GPC5: variants seen among roughly 807,000 people sequenced by gnomAD.
The protein encoded by GPC5 is glypican 5.
In GPC5, 47 loss-of-function variants were observed where a neutral mutation model predicts 53.9. That is an observed-to-expected ratio of 0.87 (90% CI 0.69 to 1.11). The LOEUF is 1.11. GPC5 is among the 50% of genes most tolerant of loss of function. The probability of loss-of-function intolerance (pLI) is 0.00; values close to 1 mark genes in which losing one functional copy is unlikely to be tolerated. For synonymous variants in GPC5, 286 were observed against 263.3 expected (o/e 1.09, Z -0.84); for missense variants, 748 against 713.1 (o/e 1.05, Z -0.56).
chr13:91,818,918 T>C (rs550511228), intron 5 of GPC5, among the ~76,000 whole-genome samples: 1 of 152,268 alleles, frequency 6.6e-6, no homozygotes, highest in Non-Finnish European at 1.5e-5. Context: ...TTAATTTACA[T>C]TTTTTTCAGT....
chr13:92,196,136 T>C (rs184350115), intron 7 of GPC5, among the ~76,000 whole-genome samples: 1 of 143,022 alleles, frequency 7.0e-6, no homozygotes, highest in East Asian at 3.4e-4. Context: ...GTAATATTTA[T>C]TGGGAAAAAA....
chr13:91,550,903 C>T (rs2030599416), intron 2 of GPC5, among the ~76,000 whole-genome samples: 1 of 152,106 alleles, frequency 6.6e-6, no homozygotes, highest in African/African-American at 2.4e-5. Context: ...TAAGACGTGA[C>T]TTTGCTCCTC....
intron 7 of GPC5, among the ~76,000 whole-genome samples, chr13:92,781,008 T>A (rs1876006488): frequency 6.6e-6 from 1 of 152,116 alleles, no homozygotes; most frequent in Non-Finnish European, 1.5e-5. Flanking sequence ...AAAATAAATG[T>A]GTCCTCATAC....
At chr13:92,475,672 C>G (rs1252050662) in intron 7 of GPC5, among the ~76,000 whole-genome samples, 1 of 152,104 alleles carries the variant, frequency 6.6e-6, no homozygotes, top group East Asian at 1.9e-4. Flanking sequence ...CAGCATGGTA[C>G]TGGTACCAAA....
chr13:92,125,845 A>G (rs2041689936), intron 6 of GPC5, among the ~76,000 whole-genome samples: 1 of 149,996 alleles, frequency 6.7e-6, no homozygotes, highest in Non-Finnish European at 1.5e-5. Flanking sequence ...GCATTTGAGG[A>G]AAGATATATG....
At chr13:91,705,151 C>T (rs2036072109) in intron 3 of GPC5, among the ~76,000 whole-genome samples, 1 of 152,154 alleles carries the variant, frequency 6.6e-6, no homozygotes, top group Non-Finnish European at 1.5e-5. Flanking sequence ...TTTTCAAAGT[C>T]TTCACATTTC....
At chr13:91,684,223 G>A (rs1053464274) in intron 2 of GPC5, among the ~76,000 whole-genome samples, 8 of 151,830 alleles carry the variant, frequency 5.3e-5, no homozygotes, top group East Asian at 1.9e-4. Context: ...TTTCCCCTTC[G>A]GTTATTTCAT....
At chr13:92,305,463 T>G (rs2043104630) in intron 7 of GPC5, among the ~76,000 whole-genome samples, 1 of 152,146 alleles carries the variant, frequency 6.6e-6, no homozygotes, top group Admixed American at 6.5e-5. Flanking sequence ...ACCCTTTTTT[T>G]TAAATTGGAT....
intron 2 of GPC5, among the ~76,000 whole-genome samples, chr13:91,593,122 A>G (rs2032865106): frequency 6.6e-6 from 1 of 152,170 alleles, no homozygotes; most frequent in South Asian, 2.1e-4. Context: ...AGGATCCCAG[A>G]GGTTCATCGC....
intron 6 of GPC5, among the ~76,000 whole-genome samples, chr13:92,043,120 C>T (rs1046777062): frequency 2.0e-5 from 3 of 152,018 alleles, no homozygotes; most frequent in Non-Finnish European, 4.4e-5. Context: ...ATATCGAAGA[C>T]GTGTGACAGA....
intron 7 of GPC5, among the ~76,000 whole-genome samples, chr13:92,385,819 G>A (rs1190810616): frequency 7.0e-5 from 10 of 142,498 alleles, no homozygotes; most frequent in African/African-American, 2.1e-4. Flanking sequence ...ATATACACGT[G>A]TATATATATA....
chr13:91,653,876 G>C (rs897430817), intron 2 of GPC5, among the ~76,000 whole-genome samples: 1 of 152,070 alleles, frequency 6.6e-6, no homozygotes, highest in African/African-American at 2.4e-5. Context: ...GTATAAGCAA[G>C]TAAAATCATC....
At chr13:92,538,971 GTA>G (rs1305173679) in intron 7 of GPC5, among the ~76,000 whole-genome samples, 1 of 79,482 alleles carries the variant, frequency 1.3e-5, no homozygotes, top group African/African-American at 4.9e-5. Context: ...TATATACCTT[GTA>G]TATATATATA....
chr13:92,481,429 G>A (rs1355125729), intron 7 of GPC5, among the ~76,000 whole-genome samples: 4 of 152,070 alleles, frequency 2.6e-5, no homozygotes, highest in African/African-American at 9.7e-5. Flanking sequence ...CACCAGGCTT[G>A]TAGTAATTTG....
chr13:92,681,185 A>T (rs1344156069), intron 7 of GPC5, among the ~76,000 whole-genome samples: 1 of 152,026 alleles, frequency 6.6e-6, no homozygotes, highest in African/African-American at 2.4e-5. Flanking sequence ...TCCTCTGAAT[A>T]TCAATTGATA....
chr13:92,721,933 CTATTTAGATAACACAGA>C (rs1389851272), intron 7 of GPC5, among the ~76,000 whole-genome samples: 2 of 151,924 alleles, frequency 1.3e-5, no homozygotes, highest in African/African-American at 4.8e-5. Context: ...TGGGAAATAG[CTATTTAGATAACACAGA>C]TGGGCACCTA....
At chr13:92,479,200 G>C (rs1879258949) in intron 7 of GPC5, among the ~76,000 whole-genome samples, 1 of 152,134 alleles carries the variant, frequency 6.6e-6, no homozygotes, top group South Asian at 2.1e-4. Context: ...TACTTCATCT[G>C]TGTATAGAAA....
rs1191336955 is a variant in GPC5, at chr13:92,755,382, G to A, written c.1562-110900G>A. Among the ~76,000 whole-genome samples the A allele has an allele frequency of 1.1e-3, 148 of 139,684 alleles. 5 individuals carry two copies. The highest frequency in any genetic ancestry group is 4.4e-4 in the Non-Finnish European group (27 of 62,040). The allele number at this position is 139,684 out of a possible 152,430, so 91.6% of individuals were successfully genotyped here. On this transcript the variant is annotated intron_variant, in intron 7 of 7. Coordinates refer to ENST00000377067, the MANE Select transcript of GPC5 (RefSeq NM_004466.6). ...AATGCCCACAAGAGAAAGCAGGAAA[G>A]ATCCAAAATTGATACCCTAACATCA...
chr13:91,894,212 T>C (rs1310447351), intron 5 of GPC5, among the ~76,000 whole-genome samples: 1 of 152,194 alleles, frequency 6.6e-6, no homozygotes, highest in Non-Finnish European at 1.5e-5. Context: ...GCTATGATAA[T>C]TTGTAAAACC....
Sources: allele counts gnomAD v4.1 joint callset (sites outside exome capture counted in the v4.1 genomes callset), GRCh38; gene constraint gnomAD v4.1.1; transcripts MANE v1.5; gene names NCBI Gene and HGNC (gene_info 2026-07-23, HGNC 2026-07-21).